Variants in NSMCE4A observed in about 807,000 individuals in gnomAD.
NSMCE4A encodes NSE4A component of SMC5/6 complex, also known as non-structural maintenance of chromosomes element 4 homolog A.
In NSMCE4A, 40 loss-of-function variants were observed where a neutral mutation model predicts 47.9. The observed-to-expected ratio is 0.83, with a 90% CI of 0.65 to 1.09. The LOEUF is 1.09. NSMCE4A is among the 50% of genes least tolerant of loss of function. The probability of loss-of-function intolerance (pLI) is 0.00; values close to 1 mark genes in which losing one functional copy is unlikely to be tolerated. For missense variants in NSMCE4A, 500 were observed against 507.0 expected, an observed-to-expected ratio of 0.99 and a Z score of 0.13; for synonymous variants, 166 against 178.5, an observed-to-expected ratio of 0.93 and a Z score of 0.56.
intron 3 of NSMCE4A, among the ~76,000 whole-genome samples, chr10:121,969,568 T>G (rs1056210701): frequency 1.3e-5 from 2 of 149,142 alleles, no homozygotes; most frequent in African/African-American, 4.9e-5. Context: ...CCTCATGCCT[T>G]TACAAAAAAA....
At chr10:121,969,135 G>C (rs928297323) in intron 3 of NSMCE4A, among the ~76,000 whole-genome samples, 1 of 152,182 alleles carries the variant, frequency 6.6e-6, no homozygotes, top group Non-Finnish European at 1.5e-5. Flanking sequence ...ACGAAGTCAG[G>C]AGTTCGAGGC....
intron 2 of NSMCE4A, 102 bp from the exon 3 acceptor site, chr10:121,971,171 A>T: frequency 1.8e-6 from 1 of 561,314 alleles, no homozygotes; most frequent in Admixed American, 9.4e-5. Flanking sequence ...CCACTGGACT[A>T]AAAAAAAAAA....
intron 9 of NSMCE4A, 26 bp downstream of exon 9, chr10:121,959,475 T>C (rs372853227): frequency 1.9e-6 from 3 of 1,612,566 alleles, no homozygotes; most frequent in African/African-American, 1.3e-5. Context: ...GTCAGAACTA[T>C]GCAGGGGCAA....
intron 1 of NSMCE4A, chr10:121,974,661 G>C: frequency 9.2e-7 from 1 of 1,092,274 alleles, no homozygotes; most frequent in African/African-American, 1.7e-5. Context: ...GCCACTCGGG[G>C]ACCCGCGCCA....
In NSMCE4A at chr10:121,957,907, TTTTATAGATATA is replaced by T. The variant is rs547991851; in HGVS notation, c.*13-660_*13-649del. Among the ~76,000 whole-genome samples the T allele has an allele frequency of 7.0e-3, 1,067 of 152,124 alleles. 21 individuals carry two copies. Among genetic ancestry groups the T allele is most frequent in the African/African-American group, 0.024 (1,007 of 41,492 alleles). On this transcript the variant is annotated intron_variant, in intron 10 of 10. Coordinates refer to ENST00000369023, the MANE Select transcript of NSMCE4A (RefSeq NM_017615.3). Reference sequence around the variant, plus strand: ...ATGATCTAGCTTGAAAATCTTTCCATTTTATAGATATATTTATAGATTAAAAAAAAATAAAGT... The same window carrying T: ...ATGATCTAGCTTGAAAATCTTTCCATTTTATAGATTAAAAAAAAATAAAGT...
At chr10:121,968,947 T>C (rs1952655025) in intron 3 of NSMCE4A, among the ~76,000 whole-genome samples, 1 of 152,232 alleles carries the variant, frequency 6.6e-6, no homozygotes, top group Admixed American at 6.5e-5. Context: ...TTTGATGCTA[T>C]ACATACGAAA....
intron 10 of NSMCE4A, among the ~76,000 whole-genome samples, 163 bp from the exon 11 acceptor site, chr10:121,957,422 CTTTT>C (rs1368668846): frequency 3.4e-5 from 4 of 117,814 alleles, no homozygotes; most frequent in Non-Finnish European, 4.8e-5. Flanking sequence ...TTCCCTTCTT[CTTTT>C]TTCTTTTTTT....
At position 121,967,765 on chromosome 10, in the gene NSMCE4A, G is replaced by A. The variant is rs1348768641; in HGVS notation, c.543C>T (p.Leu181=). ...MGVNPLEAEE[L]IRDEDSPDFE... ...AATCAGGACTATCTTCATCACGGATGAGTTCTTCAGCTTCTAGCGGATTTA... is the reference window on the plus strand; with the variant it reads ...AATCAGGACTATCTTCATCACGGATAAGTTCTTCAGCTTCTAGCGGATTTA... The change falls in exon 4 of 11, where the codon CTC becomes CTT. Residue 181 remains leucine, a synonymous_variant. Coordinates refer to ENST00000369023, the MANE Select transcript of NSMCE4A (RefSeq NM_017615.3). 1 of 1,613,990 alleles carries A rather than the reference G, an allele frequency of 6.2e-7. No homozygotes were observed. The highest frequency in any genetic ancestry group is 8.5e-7 in the Non-Finnish European group (1 of 1,179,996).
intron 2 of NSMCE4A, among the ~76,000 whole-genome samples, chr10:121,973,222 A>G (rs1390250887): frequency 7.1e-6 from 1 of 140,180 alleles, no homozygotes; most frequent in African/African-American, 2.8e-5. Context: ...GGCAACAGAG[A>G]CTCCATCTCA....
rs191422031 is a variant in NSMCE4A at position 121,960,544 on chromosome 10, T to C, written c.940-138A>G. On this transcript the variant is annotated intron_variant, in intron 7 of 10. Coordinates refer to ENST00000369023, the MANE Select transcript of NSMCE4A (RefSeq NM_017615.3). This position sits in a 1 kb window ranked among gnomAD's most constrained non-coding sequence, Gnocchi z 4.2. ...CCATAGCAATAATAAGGTGATGATA[T>C]AGATAAGACTTCCCTAGTATCTTTT... 4 of 554,840 alleles carry C rather than the reference T, an allele frequency of 7.2e-6. No individual in the cohort carries two copies. Among genetic ancestry groups the C allele is most frequent in the East Asian group, 7.0e-5 (2 of 28,404 alleles). The allele number at this position is 554,840 out of a possible 1,614,324, so 34.4% of individuals were successfully genotyped here.
At chr10:121,970,056 G>A (rs1283829120) in intron 3 of NSMCE4A, among the ~76,000 whole-genome samples, 1 of 152,110 alleles carries the variant, frequency 6.6e-6, no homozygotes, top group Non-Finnish European at 1.5e-5. Flanking sequence ...TGAGATACAA[G>A]GTCAGTCTCT....
At chr10:121,963,877 T>G (rs1331867090) in intron 5 of NSMCE4A, among the ~76,000 whole-genome samples, 1 of 149,818 alleles carries the variant, frequency 6.7e-6, no homozygotes, top group African/African-American at 2.5e-5. Context: ...GGCAGGTGGA[T>G]CACAAGGTCA....
At chr10:121,973,780 G>A (rs1340295381) in intron 2 of NSMCE4A, among the ~76,000 whole-genome samples, 1 of 152,166 alleles carries the variant, frequency 6.6e-6, no homozygotes, top group Non-Finnish European at 1.5e-5. Context: ...TCAACTGGGG[G>A]CTTAACACAG....
intron 8 of NSMCE4A, 93 bp from the exon 9 acceptor site, chr10:121,959,688 C>G: frequency 1.2e-6 from 1 of 813,932 alleles, no homozygotes; most frequent in Non-Finnish European, 2.1e-6. Context: ...GCAATGAAAC[C>G]TGTATTGAAA....
intron 2 of NSMCE4A, 71 bp downstream of exon 2, chr10:121,973,932 TA>T: frequency 9.6e-7 from 1 of 1,042,490 alleles, no homozygotes; most frequent in African/African-American, 1.6e-5. Flanking sequence ...TTTATGTCAA[TA>T]ATTTGGCGCT....
At chr10:121,964,818 A>G (rs1952575457) in intron 5 of NSMCE4A, among the ~76,000 whole-genome samples, 1 of 152,238 alleles carries the variant, frequency 6.6e-6, no homozygotes, top group Non-Finnish European at 1.5e-5. Flanking sequence ...AACATAAAAT[A>G]GCAAAATACA....
intron 5 of NSMCE4A, among the ~76,000 whole-genome samples, chr10:121,963,574 G>A (rs1952542461): frequency 6.7e-6 from 1 of 150,278 alleles, no homozygotes; most frequent in Non-Finnish European, 1.5e-5. Flanking sequence ...GGCACTAGAA[G>A]CGTGCACCAC....
intron 5 of NSMCE4A, 147 bp from the exon 6 acceptor site, chr10:121,963,475 G>A: frequency 1.7e-6 from 1 of 596,044 alleles, no homozygotes; most frequent in Non-Finnish European, 3.0e-6. Flanking sequence ...TTGCCACCCA[G>A]GCTAGAGTGC....
Position 121,974,940 on chromosome 10 carries a change from C to A in NSMCE4A, c.226G>T (p.Glu76Ter). ...EMMDPASLEA[E>*]ADQGLCRQIR... ...TGGCGGCACAGGCCTTGGTCGGCCT[C>A]CGCCTCCAAGCTGGCCGGGTCCATC... Residue 76 changes from glutamate to a stop codon, truncating the protein, a stop_gained, in exon 1 of 11, where the codon GAG (glutamate) becomes TAG (stop). Coordinates refer to ENST00000369023, the MANE Select transcript of NSMCE4A (RefSeq NM_017615.3). LOFTEE classifies it high-confidence loss of function. 6.5e-7 allele frequency: 1 copy of A among 1,534,278 alleles called. No individual in the cohort carries two copies. Among genetic ancestry groups the A allele is most frequent in the Non-Finnish European group, 8.7e-7 (1 of 1,142,900 alleles).
Sources: gnomAD v4.1 joint callset for allele counts (sites outside exome capture counted in the v4.1 genomes callset) on GRCh38, gnomAD v4.1.1 for gene constraint, Gnocchi (gnomAD v3.1) non-coding constraint, MANE v1.5 for transcripts, NCBI Gene and HGNC (gene_info 2026-07-23, HGNC 2026-07-21) for gene names.